Variants in KIAA0825 observed in about 807,000 individuals in gnomAD.
The protein encoded by KIAA0825 is KIAA0825, also known as uncharacterized protein KIAA0825.
KIAA0825 carries 119 observed loss-of-function variants against 147.6 expected under a neutral mutation model. That is an observed-to-expected ratio of 0.81 (90% CI 0.69 to 0.94). The LOEUF is 0.94. Among genes scored for constraint, KIAA0825 ranks in the 40% least tolerant of loss-of-function variants. KIAA0825 has a pLI of 0.00. For synonymous variants in KIAA0825, 470 were observed against 518.1 expected (o/e 0.91, Z 1.26); for missense variants, 1,381 against 1,472.7 (o/e 0.94, Z 1.02).
intron 20 of KIAA0825, among the ~76,000 whole-genome samples, chr5:94,312,897 A>G (rs1562369929): frequency 6.6e-6 from 1 of 151,714 alleles, no homozygotes; most frequent in Non-Finnish European, 1.5e-5. Context: ...CTCTGTAAAT[A>G]AAGAAAATAT....
At chr5:94,315,579 A>G (rs997598562) in intron 20 of KIAA0825, among the ~76,000 whole-genome samples, 1 of 151,730 alleles carries the variant, frequency 6.6e-6, no homozygotes, top group Admixed American at 6.6e-5. Flanking sequence ...TAGCTTTCAA[A>G]TTCTTAGTAT....
chr5:94,322,170 T>C (rs1780252712), intron 20 of KIAA0825, among the ~76,000 whole-genome samples: 1 of 152,010 alleles, frequency 6.6e-6, no homozygotes, highest in Non-Finnish European at 1.5e-5. Flanking sequence ...AATTAAAAAA[T>C]TATTTGGACT....
chr5:94,174,991 G>T (rs140479753), intron 20 of KIAA0825, among the ~76,000 whole-genome samples: 364 of 152,058 alleles, frequency 2.4e-3, no homozygotes, highest in African/African-American at 8.2e-3. Flanking sequence ...ATCTTGATAG[G>T]CAGTGAAAAA....
intron 20 of KIAA0825, among the ~76,000 whole-genome samples, chr5:94,322,551 TAAA>T (rs1390774986): frequency 6.6e-6 from 1 of 151,890 alleles, no homozygotes; most frequent in East Asian, 1.9e-4. Flanking sequence ...GCTGTAGCAG[TAAA>T]ATTACTGAAA....
chr5:94,318,142 A>T (rs1779823429), intron 20 of KIAA0825, among the ~76,000 whole-genome samples: 1 of 151,798 alleles, frequency 6.6e-6, no homozygotes, highest in Non-Finnish European at 1.5e-5. Flanking sequence ...GTTAAAATTA[A>T]TAAAACAATT....
At chr5:94,336,216 T>G (rs911099426) in intron 20 of KIAA0825, among the ~76,000 whole-genome samples, 1 of 151,772 alleles carries the variant, frequency 6.6e-6, no homozygotes, top group Admixed American at 6.6e-5. Context: ...CTAATAGCTA[T>G]AGAAGTGAGC....
At chr5:94,544,702 C>A (rs537613065) in intron 2 of KIAA0825, among the ~76,000 whole-genome samples, 314 of 152,254 alleles carry the variant, frequency 2.1e-3, no homozygotes, top group African/African-American at 7.0e-3. Flanking sequence ...TCAGAATTTT[C>A]TACCTTTTAA....
chr5:94,480,588 T>C (rs1762386561), intron 6 of KIAA0825, among the ~76,000 whole-genome samples: 1 of 152,104 alleles, frequency 6.6e-6, no homozygotes, highest in Non-Finnish European at 1.5e-5. Context: ...TGTGTAGCTA[T>C]AGTTTAAGAC....
chr5:94,511,105 A>T (rs1208892532), intron 5 of KIAA0825, among the ~76,000 whole-genome samples: 8 of 152,070 alleles, frequency 5.3e-5, no homozygotes, highest in African/African-American at 1.9e-4. Context: ...TGCCCCTTCT[A>T]CCACATGAGG....
At chr5:94,370,166 TA>T (rs548776376) in intron 20 of KIAA0825, among the ~76,000 whole-genome samples, 42 of 143,896 alleles carry the variant, frequency 2.9e-4, no homozygotes, top group East Asian at 6.0e-4. Context: ...ACAAAAAAAA[TA>T]AAAAAAAAAG....
At chr5:94,454,447 T>C (rs1269127128) in intron 12 of KIAA0825, among the ~76,000 whole-genome samples, 2 of 152,236 alleles carry the variant, frequency 1.3e-5, no homozygotes, top group Admixed American at 6.5e-5. Flanking sequence ...TTAAATAGAC[T>C]TGGACATTTT....
rs186075152 is a variant in KIAA0825, at chr5:94,385,606, T to C, written c.3619+636A>G. On this transcript the variant is annotated intron_variant, in intron 19 of 20. Coordinates refer to ENST00000682413, the MANE Select transcript of KIAA0825 (RefSeq NM_001145678.3). ...AAAGCAACTTTATATTTCAAATACT[T>C]TGGCAGAAAGACGATCTTTTCAGTG... 2.0e-5 allele frequency among the ~76,000 whole-genome samples: 3 copies of C among 152,304 alleles called. No individual in the cohort carries two copies. The East Asian group carries it at 5.8e-4, about 29-fold the overall frequency.
Position 94,205,268 on chromosome 5 carries a change from CATATAT to C in KIAA0825, c.3711-51150_3711-51145del, listed in dbSNP as rs5869623. ...ACTATGATTTCTGTGACTATTTAAT[CATATAT>C]ATATATATATATATATATATATATA... On this transcript the variant is annotated intron_variant, in intron 20 of 20. Transcript: ENST00000682413. Among the ~76,000 whole-genome samples, 64 of 90,298 alleles carry C rather than the reference CATATAT, an allele frequency of 7.1e-4. 1 individual carries two copies. The highest frequency in any genetic ancestry group is 5.7e-3 in the Middle Eastern group (1 of 174). The allele number at this position is 90,298 out of a possible 152,430, so 59.2% of individuals were successfully genotyped here.
At chr5:94,268,421 C>T (rs538301353) in intron 20 of KIAA0825, among the ~76,000 whole-genome samples, 13 of 151,928 alleles carry the variant, frequency 8.6e-5, no homozygotes, top group Non-Finnish European at 1.5e-4. Flanking sequence ...GAGGAGGGAG[C>T]GGGAGCAATA....
Position 94,484,759 on chromosome 5 carries a change from A to T in KIAA0825, c.1132+10T>A. The stretch of plus-strand genomic sequence containing the variant: ...ATAGATTTACAAATTTAAACAAAAG[A>T]GGATATTACCTGAAGTATCCCTGGT... On this transcript the variant is annotated intron_variant, in intron 6 of 20. Coordinates refer to ENST00000682413, the MANE Select transcript of KIAA0825 (RefSeq NM_001145678.3). The T allele has an allele frequency of 6.9e-7, 1 of 1,441,166 alleles. No homozygotes were observed. Among genetic ancestry groups the T allele is most frequent in the African/African-American group, 1.4e-5 (1 of 69,862 alleles). 89.3% of individuals were successfully genotyped at this position (1,441,166 alleles called of 1,614,324 possible). A position where few individuals can be genotyped will look rare whatever the true frequency, so the allele number is the denominator to read the frequency against.
At chr5:94,465,889 A>T (rs1253548099) in intron 10 of KIAA0825, among the ~76,000 whole-genome samples, 13 of 152,264 alleles carry the variant, frequency 8.5e-5, no homozygotes, top group Admixed American at 8.5e-4. Context: ...TACAAGCATT[A>T]ATCAGGTAAC....
intron 2 of KIAA0825, among the ~76,000 whole-genome samples, chr5:94,551,082 A>G (rs1049253474): frequency 6.6e-6 from 1 of 151,750 alleles, no homozygotes; most frequent in Admixed American, 6.6e-5. Flanking sequence ...AATTCCAGAA[A>G]TAAAATAAAA....
At chr5:94,340,117 T>C (rs1782219990) in intron 20 of KIAA0825, among the ~76,000 whole-genome samples, 1 of 152,158 alleles carries the variant, frequency 6.6e-6, no homozygotes, top group Non-Finnish European at 1.5e-5. Context: ...ACAGTTGTTT[T>C]TTGATATCCA....
At chr5:94,219,936 A>G (rs1221062598) in intron 20 of KIAA0825, among the ~76,000 whole-genome samples, 1 of 152,138 alleles carries the variant, frequency 6.6e-6, no homozygotes, top group African/African-American at 2.4e-5. Context: ...TAAATTTATA[A>G]AAACTATTTT....
Sources: allele counts gnomAD v4.1 joint callset (sites outside exome capture counted in the v4.1 genomes callset), GRCh38; gene constraint gnomAD v4.1.1; transcripts MANE v1.5; gene names NCBI Gene and HGNC (gene_info 2026-07-23, HGNC 2026-07-21).